CHN2: variants seen among roughly 807,000 people sequenced by gnomAD.
The protein encoded by CHN2 is beta-chimaerin.
In CHN2, 35 loss-of-function variants were observed where a neutral mutation model predicts 56.3. The observed-to-expected ratio is 0.62, with a 90% CI of 0.47 to 0.82. The LOEUF (loss-of-function observed/expected upper bound fraction) is 0.82, where lower values mean the gene tolerates loss of function less well. CHN2 is among the 40% of genes least tolerant of loss of function. CHN2 has a pLI of 0.00. For synonymous variants in CHN2, 210 were observed against 212.8 expected, an observed-to-expected ratio of 0.99 and a Z score of 0.12; for missense variants, 491 against 580.5, an observed-to-expected ratio of 0.85 and a Z score of 1.58.
intron 1 of CHN2, among the ~76,000 whole-genome samples, chr7:29,295,351 T>C (rs1455477459): frequency 1.2e-5 from 1 of 83,858 alleles, no homozygotes; most frequent in African/African-American, 4.4e-5. Flanking sequence ...ACACACAGAT[T>C]ATAAACCCAT....
intron 1 of CHN2, among the ~76,000 whole-genome samples, chr7:29,211,456 A>ACG (rs1784951503): frequency 7.5e-6 from 1 of 133,774 alleles, no homozygotes; most frequent in East Asian, 2.2e-4. Flanking sequence ...GTTGGCACAC[A>ACG]CACACACACA....
intron 1 of CHN2, among the ~76,000 whole-genome samples, chr7:29,225,468 G>A (rs1786117568): frequency 6.6e-6 from 1 of 152,186 alleles, no homozygotes; most frequent in Admixed American, 6.5e-5. Flanking sequence ...GAAAAACTGT[G>A]TGCAAATGTG....
chr7:29,339,789 G>A (rs973793882), intron 1 of CHN2, among the ~76,000 whole-genome samples: 1 of 151,740 alleles, frequency 6.6e-6, no homozygotes, highest in African/African-American at 2.4e-5. Flanking sequence ...GGAGGTGGAG[G>A]TTGCAGTGAG....
chr7:29,437,347 C>T (rs1194172905), intron 6 of CHN2, among the ~76,000 whole-genome samples: 6 of 84,678 alleles, frequency 7.1e-5, no homozygotes, highest in Non-Finnish European at 1.2e-4. Context: ...GCCTGTAATC[C>T]CAGCACTTTG....
chr7:29,240,230 G>T (rs972049486), intron 1 of CHN2, among the ~76,000 whole-genome samples: 1 of 152,180 alleles, frequency 6.6e-6, no homozygotes, highest in African/African-American at 2.4e-5. Flanking sequence ...TGGCCCCCAA[G>T]GACCTGCTTA....
At chr7:29,331,905 A>G (rs1216633878) in intron 1 of CHN2, among the ~76,000 whole-genome samples, 1 of 151,852 alleles carries the variant, frequency 6.6e-6, no homozygotes, top group Non-Finnish European at 1.5e-5. Context: ...CCAGCTACTC[A>G]GGAGGCTGAG....
chr7:29,289,505 A>G (rs895089665), intron 1 of CHN2, among the ~76,000 whole-genome samples: 1 of 152,202 alleles, frequency 6.6e-6, no homozygotes, highest in Non-Finnish European at 1.5e-5. Flanking sequence ...GGAGGCACAC[A>G]TGCTTTGCCC....
intron 6 of CHN2, chr7:29,480,040 C>T (rs1315366113): frequency 1.0e-5 from 16 of 1,531,418 alleles, no homozygotes; most frequent in Non-Finnish European, 1.3e-5. Context: ...AGCTGCGGTT[C>T]GAAAATCCTG....
intron 1 of CHN2, among the ~76,000 whole-genome samples, chr7:29,268,315 C>CACACACACACAT (rs1384340612): frequency 6.6e-6 from 1 of 151,472 alleles, no homozygotes; most frequent in Non-Finnish European, 1.5e-5. Context: ...CACACACACA[C>CACACACACACAT]ACACACAATG....
chr7:29,487,399 G>A (rs866831159), intron 7 of CHN2, among the ~76,000 whole-genome samples: 1 of 152,092 alleles, frequency 6.6e-6, no homozygotes, highest in Non-Finnish European at 1.5e-5. Context: ...AAAAAATGTT[G>A]TTTCTGCTCC....
chr7:29,485,722 C>T (rs1003075743), intron 7 of CHN2, among the ~76,000 whole-genome samples: 10 of 152,114 alleles, frequency 6.6e-5, no homozygotes, highest in African/African-American at 2.4e-4. Flanking sequence ...GAAAGGAGTC[C>T]ATCACATTTA....
chr7:29,365,324 G>A (rs1402387469), intron 2 of CHN2, among the ~76,000 whole-genome samples: 3 of 152,170 alleles, frequency 2.0e-5, no homozygotes, highest in Non-Finnish European at 4.4e-5. Context: ...GGAGATACAA[G>A]ACAAAGCAAA....
intron 1 of CHN2, among the ~76,000 whole-genome samples, chr7:29,309,228 A>C (rs1794403611): frequency 6.6e-6 from 1 of 152,188 alleles, no homozygotes; most frequent in African/African-American, 2.4e-5. Context: ...CCTACGGTTC[A>C]AAAAGTGTTT....
At chr7:29,430,276 A>G (rs1365006234) in intron 6 of CHN2, among the ~76,000 whole-genome samples, 1 of 152,110 alleles carries the variant, frequency 6.6e-6, no homozygotes, top group African/African-American at 2.4e-5. Context: ...GCCCCACTAC[A>G]TGGCCTACCC....
intron 2 of CHN2, among the ~76,000 whole-genome samples, chr7:29,157,669 A>G (rs1794595621): frequency 6.6e-6 from 1 of 152,224 alleles, no homozygotes; most frequent in Non-Finnish European, 1.5e-5. Context: ...CATTGGAGAT[A>G]AATCCTACTC....
chr7:29,233,096 G>T (rs1786851873), intron 1 of CHN2, among the ~76,000 whole-genome samples: 1 of 152,194 alleles, frequency 6.6e-6, no homozygotes, highest in Non-Finnish European at 1.5e-5. Context: ...CAGGTTCAGA[G>T]CTCAGGTACC....
intron 6 of CHN2, among the ~76,000 whole-genome samples, chr7:29,405,151 GCTTATGT>G (rs1191770395): frequency 1.6e-5 from 2 of 122,686 alleles, no homozygotes; most frequent in Non-Finnish European, 3.5e-5. Flanking sequence ...TGTATGGAGT[GCTTATGT>G]CACCATACAC....
At chr7:29,245,801 T>C (rs943818041) in intron 1 of CHN2, among the ~76,000 whole-genome samples, 6 of 152,128 alleles carry the variant, frequency 3.9e-5, no homozygotes, top group African/African-American at 4.8e-5. Context: ...TTTCCACGCC[T>C]TTACTCCGCT....
At chr7:29,376,586 T>C (rs952666037) in intron 3 of CHN2, 2 of 152,244 alleles carry the variant, frequency 1.3e-5, no homozygotes, top group African/African-American at 4.8e-5. Flanking sequence ...TGAGAACTAC[T>C]GTTCTAAGGA....
Sources: gnomAD v4.1 joint callset for allele counts (sites outside exome capture counted in the v4.1 genomes callset) on GRCh38, gnomAD v4.1.1 for gene constraint, MANE v1.5 for transcripts, NCBI Gene and HGNC (gene_info 2026-07-23, HGNC 2026-07-21) for gene names.